The following GSTCD variants were observed in gnomAD, a reference collection of about 807,000 sequenced individuals.
The protein encoded by GSTCD is glutathione S-transferase C-terminal domain-containing protein.
A neutral mutation model predicts 68.3 loss-of-function variants in GSTCD; 44 were observed. That is an observed-to-expected ratio of 0.64 (90% CI 0.51 to 0.83). GSTCD has a LOEUF of 0.83. GSTCD is among the 40% of genes least tolerant of loss of function. The pLI, the probability that GSTCD is intolerant of heterozygous loss-of-function variation, is 0.00. For missense variants in GSTCD, 739 were observed against 735.9 expected (o/e 1.00, Z -0.05); for synonymous variants, 273 against 255.2 (o/e 1.07, Z -0.67).
intron 5 of GSTCD, among the ~76,000 whole-genome samples, chr4:105,769,241 A>ACAC (rs1734744389): frequency 1.3e-4 from 3 of 23,548 alleles, no homozygotes; most frequent in African/African-American, 1.4e-4. Flanking sequence ...GCGCACACAC[A>ACAC]CACACACACA....
intron 5 of GSTCD, among the ~76,000 whole-genome samples, chr4:105,753,486 TCTGTA>T (rs1734076320): frequency 6.6e-6 from 1 of 152,050 alleles, no homozygotes; most frequent in Non-Finnish European, 1.5e-5. Context: ...AAAATTTGCA[TCTGTA>T]CTGTACATGT....
At chr4:105,760,977 A>G in intron 5 of GSTCD, 2 of 312,454 alleles carry the variant, frequency 6.4e-6, no homozygotes, top group Non-Finnish European at 6.0e-6. Flanking sequence ...AATTTTGTAT[A>G]TCTCATTATC....
intron 5 of GSTCD, among the ~76,000 whole-genome samples, chr4:105,791,916 G>A (rs1248716837): frequency 1.3e-5 from 2 of 152,014 alleles, no homozygotes; most frequent in Admixed American, 1.3e-4. Context: ...AGATAATTAT[G>A]TCCAAACAAC....
chr4:105,813,602 G>C (rs778639033), intron 5 of GSTCD, among the ~76,000 whole-genome samples: 2 of 152,020 alleles, frequency 1.3e-5, no homozygotes, highest in Non-Finnish European at 2.9e-5. Context: ...AATACTTCTG[G>C]TCCCAAGCAT....
intron 5 of GSTCD, among the ~76,000 whole-genome samples, chr4:105,794,807 TTTA>T (rs1375859405): frequency 6.6e-6 from 1 of 151,786 alleles, no homozygotes; most frequent in Non-Finnish European, 1.5e-5. Context: ...GTTTTTACTT[TTTA>T]TTATTTCTGC....
intron 5 of GSTCD, among the ~76,000 whole-genome samples, chr4:105,767,090 G>T (rs921738805): frequency 6.6e-6 from 1 of 152,018 alleles, no homozygotes; most frequent in Non-Finnish European, 1.5e-5. Flanking sequence ...CACATGGTCA[G>T]TTAAGCTTAT....
chr4:105,735,476 G>T (rs771369889), intron 5 of GSTCD, among the ~76,000 whole-genome samples: 1 of 152,226 alleles, frequency 6.6e-6, no homozygotes, highest in African/African-American at 2.4e-5. Context: ...ATCTGAGCCA[G>T]GCACGGGATA....
chr4:105,752,209 T>A (rs575938372), intron 5 of GSTCD, among the ~76,000 whole-genome samples: 1 of 152,250 alleles, frequency 6.6e-6, no homozygotes, highest in East Asian at 1.9e-4. Flanking sequence ...TACAATGCCT[T>A]TTTTAAAACT....
At chr4:105,711,470 A>G (rs1302277085) in intron 1 of GSTCD, among the ~76,000 whole-genome samples, 1 of 152,242 alleles carries the variant, frequency 6.6e-6, no homozygotes, top group Admixed American at 6.5e-5. Context: ...TTTCATGGAA[A>G]GAAGCTTGAA....
intron 5 of GSTCD, among the ~76,000 whole-genome samples, chr4:105,746,683 T>G (rs975682914): frequency 1.1e-4 from 17 of 152,200 alleles, no homozygotes; most frequent in African/African-American, 4.1e-4. Flanking sequence ...CTTATCAACC[T>G]TTATGTGTAG....
At chr4:105,726,188 G>A (rs1222105233) in intron 3 of GSTCD, among the ~76,000 whole-genome samples, 1 of 152,088 alleles carries the variant, frequency 6.6e-6, no homozygotes, top group Non-Finnish European at 1.5e-5. Flanking sequence ...ATGACTACTA[G>A]TCATAATAAA....
chr4:105,711,287 A>G (rs1267499105), intron 1 of GSTCD, among the ~76,000 whole-genome samples: 1 of 152,244 alleles, frequency 6.6e-6, no homozygotes, highest in Non-Finnish European at 1.5e-5. Context: ...TCATACTTAT[A>G]AACTGTGTTG....
At chr4:105,810,231 G>A (rs1215160140) in intron 5 of GSTCD, among the ~76,000 whole-genome samples, 10 of 151,872 alleles carry the variant, frequency 6.6e-5, no homozygotes, top group African/African-American at 1.9e-4. Flanking sequence ...CACCAACATC[G>A]CCCTGGTATT....
intron 5 of GSTCD, among the ~76,000 whole-genome samples, chr4:105,814,742 G>A (rs1250608762): frequency 6.6e-6 from 1 of 152,054 alleles, no homozygotes; most frequent in Non-Finnish European, 1.5e-5. Flanking sequence ...TACTAATTTG[G>A]ATCACTGTTC....
At chr4:105,714,097 A>G (rs1039315717) in intron 1 of GSTCD, among the ~76,000 whole-genome samples, 2 of 152,040 alleles carry the variant, frequency 1.3e-5, no homozygotes, top group African/African-American at 4.8e-5. Flanking sequence ...AATATATTAG[A>G]ACATTCCTGA....
At chr4:105,764,001 T>C (rs1734513293) in intron 5 of GSTCD, among the ~76,000 whole-genome samples, 1 of 152,152 alleles carries the variant, frequency 6.6e-6, no homozygotes, top group Non-Finnish European at 1.5e-5. Context: ...TTCTTTCTTA[T>C]ACATATTTCC....
chr4:105,724,971 C>T (rs977200614), intron 3 of GSTCD, among the ~76,000 whole-genome samples: 1 of 151,806 alleles, frequency 6.6e-6, no homozygotes, highest in African/African-American at 2.4e-5. Flanking sequence ...TGTTCATGGC[C>T]ATGAATTATA....
chr4:105,800,072 C>A (rs1013074253), intron 5 of GSTCD, among the ~76,000 whole-genome samples: 3 of 152,026 alleles, frequency 2.0e-5, no homozygotes, highest in African/African-American at 7.2e-5. Context: ...TTTACAAATA[C>A]CTGTATTAGT....
chr4:105,794,889 A>ATCTG (rs60132785), intron 5 of GSTCD, among the ~76,000 whole-genome samples: 19,229 of 140,510 alleles, frequency 0.14, 2,598 homozygotes, highest in South Asian at 0.21. Context: ...CTATCTATCT[A>ATCTG]TCTATGAGAC....
Sources: allele counts gnomAD v4.1 joint callset (sites outside exome capture counted in the v4.1 genomes callset), GRCh38; gene constraint gnomAD v4.1.1; transcripts MANE v1.5; gene names NCBI Gene and HGNC (gene_info 2026-07-23, HGNC 2026-07-21).